The following FRMD4B variants were observed in gnomAD, a reference collection of about 807,000 sequenced individuals.
FRMD4B encodes FERM domain-containing protein 4B.
In FRMD4B, 74 loss-of-function variants were observed where a neutral mutation model predicts 141.5. The ratio of observed to expected loss-of-function variants is 0.52; its 90% confidence interval spans 0.43 to 0.63. The LOEUF is 0.63. FRMD4B is among the 30% of genes least tolerant of loss of function. The probability of loss-of-function intolerance (pLI) is 0.00; values close to 1 mark genes in which losing one functional copy is unlikely to be tolerated. For synonymous variants in FRMD4B, 506 were observed against 467.9 expected (o/e 1.08, Z -1.05); for missense variants, 1,366 against 1,253.4 (o/e 1.09, Z -1.36).
At chr3:69,394,563 T>C (rs770052074) in intron 2 of FRMD4B, among the ~76,000 whole-genome samples, 2 of 152,194 alleles carry the variant, frequency 1.3e-5, no homozygotes, top group Non-Finnish European at 2.9e-5. Context: ...TTTTATACTG[T>C]TGGTGGGAGT....
At chr3:69,274,391 G>C (rs1026362586) in intron 5 of FRMD4B, among the ~76,000 whole-genome samples, 1 of 152,176 alleles carries the variant, frequency 6.6e-6, no homozygotes, top group African/African-American at 2.4e-5. Flanking sequence ...ACCCCATTAT[G>C]CACCTCCTCC....
At chr3:69,296,096 T>A (rs1419498961) in intron 4 of FRMD4B, among the ~76,000 whole-genome samples, 1 of 152,222 alleles carries the variant, frequency 6.6e-6, no homozygotes, top group East Asian at 1.9e-4. Flanking sequence ...ATTACAAGCA[T>A]GAGTCACTGC....
In FRMD4B at chr3:69,193,296, A is replaced by T. The variant is rs532363905; in HGVS notation, c.1714+352T>A. ...GGCTGAGGAGGGTGGATCACCTGAG[A>T]TCAGGAGTTTGAGACCAGCCTGACC... On this transcript the variant is annotated intron_variant, in intron 17 of 22. Transcript: ENST00000398540. Among the ~76,000 whole-genome samples the T allele has an allele frequency of 2.6e-5, 4 of 152,232 alleles. No homozygotes were observed. The South Asian group carries it at 8.3e-4, about 32-fold the overall frequency.
At chr3:69,261,626 G>A (rs538397636) in intron 5 of FRMD4B, among the ~76,000 whole-genome samples, 2 of 152,150 alleles carry the variant, frequency 1.3e-5, no homozygotes, top group African/African-American at 4.8e-5. Context: ...TGGACTCTAA[G>A]TTGGTATTGT....
At chr3:69,538,547 G>A (rs1701117805) in intron 1 of FRMD4B, among the ~76,000 whole-genome samples, 1 of 152,066 alleles carries the variant, frequency 6.6e-6, no homozygotes, top group South Asian at 2.1e-4. Context: ...TTGCTGTCTT[G>A]TTATACCTAA....
At position 69,423,349 on chromosome 3, in the gene FRMD4B, T is replaced by C. The variant is rs1204240784; in HGVS notation, c.-1+9285A>G. Reference sequence around the variant, plus strand: ...GTATTTTTGCAATCATTCTCTGACTTGTGGGGAACAGCAAAAAATTTGAGT... The same window carrying C: ...GTATTTTTGCAATCATTCTCTGACTCGTGGGGAACAGCAAAAAATTTGAGT... On this transcript the variant is annotated intron_variant, in intron 2 of 5. Transcript: ENST00000459638. Among the ~76,000 whole-genome samples the C allele has an allele frequency of 2.1e-5, 3 of 143,900 alleles. No individual in the cohort carries two copies. The Admixed American group carries it at 2.1e-4, about 10-fold the overall frequency. 94.4% of individuals were successfully genotyped at this position (143,900 alleles called of 152,430 possible).
chr3:69,439,357 A>T (rs372874880), intron 1 of FRMD4B, among the ~76,000 whole-genome samples: 26 of 152,170 alleles, frequency 1.7e-4, no homozygotes, highest in African/African-American at 4.6e-4. Flanking sequence ...TAGTTGTGAG[A>T]GGTGTTTGGG....
rs569229539 is a variant in FRMD4B at position 69,251,864 on chromosome 3, G to C, written c.502-1765C>G. 6.6e-5 allele frequency among the ~76,000 whole-genome samples: 10 copies of C among 152,318 alleles called. No individual in the cohort carries two copies. In the South Asian group the frequency reaches 1.0e-3, roughly 16 times the overall value. Reference sequence around the variant, plus strand: ...TTGATAAAGATTAAATTTTAGAAAGGCTACATTCCTTAGTTCAAAGAAAAA... The same window carrying C: ...TTGATAAAGATTAAATTTTAGAAAGCCTACATTCCTTAGTTCAAAGAAAAA... On this transcript the variant is annotated intron_variant, in intron 5 of 22. Transcript: ENST00000398540.
intron 5 of FRMD4B, among the ~76,000 whole-genome samples, chr3:69,286,146 C>T (rs1468144839): frequency 6.6e-6 from 1 of 152,114 alleles, no homozygotes; most frequent in African/African-American, 2.4e-5. Context: ...ATAAGAAATG[C>T]TAAAGGAAGT....
At chr3:69,401,337 G>A (rs1259959940) in intron 2 of FRMD4B, among the ~76,000 whole-genome samples, 1 of 152,126 alleles carries the variant, frequency 6.6e-6, no homozygotes, top group South Asian at 2.1e-4. Context: ...GGGCTTGGGG[G>A]TTGTCCCAAA....
intron 1 of FRMD4B, among the ~76,000 whole-genome samples, chr3:69,528,798 C>T (rs1281623682): frequency 6.7e-6 from 1 of 149,490 alleles, no homozygotes; most frequent in African/African-American, 2.5e-5. Flanking sequence ...AAGATAAGGC[C>T]ACCAAAAAAA....
intron 10 of FRMD4B, 66 bp from the exon 11 acceptor site, chr3:69,216,415 T>A: frequency 1.3e-6 from 1 of 759,036 alleles, no homozygotes; most frequent in Non-Finnish European, 2.2e-6. Context: ...GAATAAAATT[T>A]ACCAATTTCA....
chr3:69,484,238 G>C (rs1706177430), intron 1 of FRMD4B, among the ~76,000 whole-genome samples: 1 of 152,240 alleles, frequency 6.6e-6, no homozygotes, highest in Non-Finnish European at 1.5e-5. Flanking sequence ...AGACAAAGAA[G>C]TGGTCATAAG....
At chr3:69,410,063 A>C (rs1704727248) in intron 2 of FRMD4B, among the ~76,000 whole-genome samples, 1 of 152,214 alleles carries the variant, frequency 6.6e-6, no homozygotes, top group Non-Finnish European at 1.5e-5. Context: ...CAAATGGCTC[A>C]GATTTCCTGA....
At chr3:69,397,213 C>T (rs1704488082) in intron 2 of FRMD4B, among the ~76,000 whole-genome samples, 1 of 152,080 alleles carries the variant, frequency 6.6e-6, no homozygotes, top group African/African-American at 2.4e-5. Flanking sequence ...CGTACTACAA[C>T]ATGGATGAAT....
Position 69,171,947 on chromosome 3 carries a change from C to T in FRMD4B, c.3019G>A (p.Asp1007Asn). Residue 1007 changes from aspartate (D) to asparagine (N), a missense_variant, in exon 23 of 23, where the codon GAT becomes AAT. By Grantham distance (23) the Asp-to-Asn change is conservative. Coordinates refer to ENST00000398540, the MANE Select transcript of FRMD4B (RefSeq NM_015123.3). Reference sequence around the variant, plus strand: ...AGGTTGTCTTCCAGCTGGTTTCCATCTGTACCATCCAGTTGACTGATTTCT... The same window carrying T: ...AGGTTGTCTTCCAGCTGGTTTCCATTTGTACCATCCAGTTGACTGATTTCT... Reference protein sequence around the residue: ...YTEISQLDGTDGNQLEDNLES... With the variant: ...YTEISQLDGTNGNQLEDNLES... The T allele has an allele frequency of 6.2e-7, 1 of 1,612,836 alleles. No homozygotes were observed. The highest frequency in any genetic ancestry group is 1.1e-5 in the South Asian group (1 of 91,050).
chr3:69,405,420 C>A (rs765059327), intron 2 of FRMD4B, among the ~76,000 whole-genome samples: 1 of 152,126 alleles, frequency 6.6e-6, no homozygotes, highest in East Asian at 1.9e-4. Flanking sequence ...GAGGACATAG[C>A]GGTTTGTGTA....
chr3:69,476,675 T>C (rs1016738416), intron 1 of FRMD4B, among the ~76,000 whole-genome samples: 8 of 152,158 alleles, frequency 5.3e-5, no homozygotes, highest in African/African-American at 1.9e-4. Flanking sequence ...TAGGATTGAC[T>C]TGGCAATGAG....
Position 69,445,335 on chromosome 3 carries a change from G to A in FRMD4B, c.-128-12574C>T, listed in dbSNP as rs576700337. 8.4e-4 allele frequency among the ~76,000 whole-genome samples: 128 copies of A among 152,250 alleles called. 1 individual carries two copies. The highest frequency in any genetic ancestry group is 1.5e-3 in the Non-Finnish European group (102 of 68,020). On this transcript the variant is annotated intron_variant, in intron 1 of 5. Transcript: ENST00000459638. ...ACAAATACTGCTATTCCAGTCTTCG[G>A]AGCAATTCGGTCTCTGCTCTAACAG... is the stretch of plus-strand genomic sequence containing the variant.
Sources: gnomAD v4.1 joint callset for allele counts (sites outside exome capture counted in the v4.1 genomes callset) on GRCh38, gnomAD v4.1.1 for gene constraint, MANE v1.5 for transcripts, NCBI Gene and HGNC (gene_info 2026-07-23, HGNC 2026-07-21) for gene names.